Variants in MAPK9 observed in about 807,000 individuals in gnomAD.
The protein encoded by MAPK9 is Jun kinase.
In MAPK9, 30 loss-of-function variants were observed where a neutral mutation model predicts 57.1. That is an observed-to-expected ratio of 0.53 (90% CI 0.39 to 0.71). The LOEUF (loss-of-function observed/expected upper bound fraction) is 0.71. Among genes scored for constraint, MAPK9 ranks in the 30% least tolerant of loss-of-function variants. The pLI is 0.00. For missense variants in MAPK9, 362 were observed against 521.0 expected, an observed-to-expected ratio of 0.69 and a Z score of 2.97; for synonymous variants, 155 against 177.0, an observed-to-expected ratio of 0.88 and a Z score of 0.99.
chr5:180,276,212 C>T (rs1238362308), intron 2 of MAPK9, among the ~76,000 whole-genome samples: 2 of 152,114 alleles, frequency 1.3e-5, no homozygotes, highest in Non-Finnish European at 2.9e-5. Flanking sequence ...AGAAAATAAA[C>T]CATGTTAAGA....
intron 1 of MAPK9, among the ~76,000 whole-genome samples, chr5:180,288,726 T>C (rs1687478778): frequency 6.6e-6 from 1 of 152,190 alleles, no homozygotes; most frequent in African/African-American, 2.4e-5. Flanking sequence ...TACCAAACAT[T>C]TACTGGGCAC....
intron 8 of MAPK9, among the ~76,000 whole-genome samples, chr5:180,242,162 C>A (rs1202089569): frequency 6.6e-6 from 1 of 152,160 alleles, no homozygotes; most frequent in African/African-American, 2.4e-5. Flanking sequence ...AGAATCAAAT[C>A]TTTTCTTTTT....
In MAPK9 at chr5:180,247,673, G is replaced by C. The variant is rs1363483412; in HGVS notation, c.617-163C>G. The C allele has an allele frequency of 2.1e-6, 2 of 934,794 alleles. No individual in the cohort carries two copies. Among genetic ancestry groups the C allele is most frequent in the Non-Finnish European group, 3.4e-6 (2 of 590,184 alleles). 57.9% of individuals were successfully genotyped at this position (934,794 alleles called of 1,614,324 possible). A position where few individuals can be genotyped will look rare whatever the true frequency, so the allele number is the denominator to read the frequency against. On this transcript the variant is annotated intron_variant, in intron 6 of 11. Transcript: ENST00000452135. The surrounding 1 kb of genome is among the most constrained non-coding windows in gnomAD (Gnocchi z 4.5). ...TGAATGATTGCTGACCTCTATTTTA[G>C]CCTTCGGTTTGTAGCAATCTGGGGT...
At chr5:180,237,262 G>A (rs1252620820) in intron 11 of MAPK9, 2 of 152,188 alleles carry the variant, frequency 1.3e-5, no homozygotes, top group African/African-American at 4.8e-5. Flanking sequence ...TGACACATAC[G>A]TCATGTTGAA....
At chr5:180,266,516 C>T (rs538679519) in intron 3 of MAPK9, among the ~76,000 whole-genome samples, 6 of 152,020 alleles carry the variant, frequency 3.9e-5, no homozygotes, top group South Asian at 2.1e-4. Context: ...GGTTTCACCA[C>T]GCTGGCCAAC....
rs1377338657 is a variant in MAPK9 at position 180,247,811 on chromosome 5, C to T, written c.617-301G>A. ...AAAGCTTTTCAGGGCCACACGCCCA[C>T]CCCAGCCTCCATGGCCAAGTACCGG... On this transcript the variant is annotated intron_variant, in intron 6 of 11. Transcript: ENST00000452135. The surrounding 1 kb of genome is among the most constrained non-coding windows in gnomAD (Gnocchi z 4.5). 2.5e-6 allele frequency: 4 copies of T among 1,596,138 alleles called. No homozygotes were observed.
chr5:180,238,154 C>CA, intron 11 of MAPK9, 178 bp downstream of exon 11: 1 of 463,434 alleles, frequency 2.2e-6, no homozygotes, highest in South Asian at 2.1e-5. Flanking sequence ...CCTGTAGTCC[C>CA]AGCTACTCGG....
chr5:180,259,601 A>AT (rs1392420339), intron 5 of MAPK9, among the ~76,000 whole-genome samples: 1 of 152,088 alleles, frequency 6.6e-6, no homozygotes, highest in Non-Finnish European at 1.5e-5. Flanking sequence ...AACATGAAAA[A>AT]TTTCACACTG....
chr5:180,257,119 A>G (rs1288176935), intron 5 of MAPK9, among the ~76,000 whole-genome samples: 1 of 152,218 alleles, frequency 6.6e-6, no homozygotes, highest in Non-Finnish European at 1.5e-5. Context: ...ACAGTACACT[A>G]GATGGCAGAT....
intron 4 of MAPK9, among the ~76,000 whole-genome samples, chr5:180,264,264 C>CA (rs887781062): frequency 1.3e-5 from 2 of 152,166 alleles, no homozygotes; most frequent in African/African-American, 4.8e-5. Flanking sequence ...AGAGAGTGCC[C>CA]AGCACACAGA....
intron 2 of MAPK9, among the ~76,000 whole-genome samples, chr5:180,271,242 G>A (rs919085483): frequency 6.6e-6 from 1 of 152,148 alleles, no homozygotes; most frequent in African/African-American, 2.4e-5. Context: ...CATCTAAGTG[G>A]GCATAAGCTT....
rs2127640483 is a variant in MAPK9, at chr5:180,291,916, A to C, written c.-116T>G. 6.9e-6 allele frequency: 1 copy of C among 145,270 alleles called. No homozygotes were observed. The highest frequency in any genetic ancestry group is 2.0e-4 in the East Asian group (1 of 4,928). 9.0% of individuals were successfully genotyped at this position (145,270 alleles called of 1,614,324 possible). On this transcript the variant is annotated 5_prime_UTR_variant, in exon 1 of 12. Coordinates refer to ENST00000452135, the MANE Select transcript of MAPK9 (RefSeq NM_002752.5). ...GGACTGGCGGCGCTGCGTGCTAGTC[A>C]CTCCTGGCTCCGCGGCCCCGGCTCC...
At chr5:180,272,725 A>G (rs1761453143) in intron 2 of MAPK9, among the ~76,000 whole-genome samples, 1 of 152,184 alleles carries the variant, frequency 6.6e-6, no homozygotes, top group Admixed American at 6.5e-5. Context: ...CCTTTGTATA[A>G]CTATATCACA....
rs369553644 is a variant in MAPK9 at position 180,247,483 on chromosome 5, A to G, written c.644T>C (p.Met215Thr). The G allele has an allele frequency of 3.5e-5, 57 of 1,614,100 alleles. No individual in the cohort carries two copies. Among genetic ancestry groups the G allele is most frequent in the Non-Finnish European group, 4.7e-5 (56 of 1,180,030 alleles). The change falls in exon 7 of 12, where the codon ATG (methionine) becomes ACG (threonine). Residue 215 changes from methionine (M) to threonine (T), a missense_variant. Physicochemically the swap from Met to Thr is moderately conservative, Grantham distance 81. This residue lies in a region of MAPK9 where 127 missense variants were observed against 231.7 expected (regional missense o/e 0.55). Coordinates refer to ENST00000452135, the MANE Select transcript of MAPK9 (RefSeq NM_002752.5). The surrounding 1 kb of genome is among the most constrained non-coding windows in gnomAD (Gnocchi z 4.5). Reference protein sequence around the residue: ...NVDIWSVGCIMGELVKGCVIF... With the variant: ...NVDIWSVGCITGELVKGCVIF... Reference sequence around the variant, plus strand: ...CACACAACCTTTCACCAGCTCTCCCATGATGCAACCCACTGACCAGATATC... The same window carrying G: ...CACACAACCTTTCACCAGCTCTCCCGTGATGCAACCCACTGACCAGATATC...
Position 180,286,075 on chromosome 5 carries a change from G to A in MAPK9, c.-47-5467C>T, listed in dbSNP as rs1310462814. Among the ~76,000 whole-genome samples the A allele has an allele frequency of 3.7e-4, 33 of 90,074 alleles. No homozygotes were observed. In the South Asian group the frequency reaches 3.9e-3, roughly 11 times the overall value. The allele number at this position is 90,074 out of a possible 152,430, so 59.1% of individuals were successfully genotyped here. ...AGCCTGGGCGACAGAGCGAGACTCC[G>A]TCTCAAAAAAAAAAAAATAGTAAAA... is the stretch of plus-strand genomic sequence containing the variant. On this transcript the variant is annotated intron_variant, in intron 1 of 11. Transcript: ENST00000452135.
chr5:180,290,741 T>C (rs746343346), intron 1 of MAPK9, among the ~76,000 whole-genome samples: 2 of 152,232 alleles, frequency 1.3e-5, no homozygotes, highest in Non-Finnish European at 1.5e-5. Context: ...AGTCACTAAA[T>C]GAACAGATAA....
chr5:180,248,025 G>T, intron 6 of MAPK9: 1 of 1,122,590 alleles, frequency 8.9e-7, no homozygotes, highest in Non-Finnish European at 1.3e-6. Context: ...CTAGCTTGCC[G>T]GCGGGAGCCT....
chr5:180,241,535 G>A (rs964187884), intron 8 of MAPK9, among the ~76,000 whole-genome samples: 27 of 152,306 alleles, frequency 1.8e-4, no homozygotes, highest in Admixed American at 4.6e-4. Context: ...TCTTGACCTC[G>A]TGATCCGCCT....
At chr5:180,250,652 C>A (rs1315756913) in intron 5 of MAPK9, among the ~76,000 whole-genome samples, 2 of 152,152 alleles carry the variant, frequency 1.3e-5, no homozygotes, top group African/African-American at 4.8e-5. Context: ...ACAACAGGTA[C>A]AATTACACTG....
Sources: allele counts gnomAD v4.1 joint callset (sites outside exome capture counted in the v4.1 genomes callset), GRCh38; gene constraint gnomAD v4.1.1; regional missense constraint gnomAD v4.1.1; non-coding constraint Gnocchi (gnomAD v3.1); transcripts MANE v1.5; gene names NCBI Gene and HGNC (gene_info 2026-07-23, HGNC 2026-07-21).